The following TEN1 variants were observed in gnomAD, a reference collection of about 807,000 sequenced individuals.
TEN1 encodes CST complex subunit TEN1.
Under a neutral mutation model 9.3 loss-of-function variants are expected in TEN1, and 6 were observed. The ratio of observed to expected loss-of-function variants is 0.65; its 90% CI spans 0.35 to 1.27. The LOEUF (loss-of-function observed/expected upper bound fraction) is 1.27, where lower values mean the gene tolerates loss of function less well. Among genes scored for constraint, TEN1 ranks in the 50% most tolerant of loss-of-function variants. The probability of loss-of-function intolerance (pLI) is 0.03; values close to 1 mark genes in which losing one functional copy is unlikely to be tolerated. For missense variants in TEN1, 149 were observed against 158.2 expected, an observed-to-expected ratio of 0.94 and a Z score of 0.31; for synonymous variants, 65 against 65.6, an observed-to-expected ratio of 0.99 and a Z score of 0.04.
intron 1 of TEN1, among the ~76,000 whole-genome samples, chr17:75,982,357 T>C (rs2066126951): frequency 2.0e-5 from 3 of 152,220 alleles, no homozygotes; most frequent in Non-Finnish European, 2.9e-5. Context: ...CATATGTACA[T>C]GTTACATAAA....
chr17:75,996,769 A>G (rs1041491694), intron 3 of TEN1, among the ~76,000 whole-genome samples: 4 of 151,862 alleles, frequency 2.6e-5, no homozygotes, highest in Non-Finnish European at 5.9e-5. Context: ...AGAAAGAGAA[A>G]AGAGAAGAGA....
intron 1 of TEN1, among the ~76,000 whole-genome samples, chr17:75,984,346 T>C (rs887970082): frequency 6.6e-6 from 1 of 152,176 alleles, no homozygotes; most frequent in Non-Finnish European, 1.5e-5. Flanking sequence ...GAAATAATGG[T>C]CGGCTTTCCA....
At chr17:75,989,275 T>G (rs28802694) in intron 2 of TEN1, among the ~76,000 whole-genome samples, 7,925 of 151,172 alleles carry the variant, frequency 0.052, 666 homozygotes, top group African/African-American at 0.18. Context: ...AATTTTTTTT[T>G]TTGTTTTTTT....
chr17:75,983,465 T>C (rs1296543877), intron 1 of TEN1, among the ~76,000 whole-genome samples: 1 of 152,112 alleles, frequency 6.6e-6, no homozygotes, highest in Non-Finnish European at 1.5e-5. Context: ...CACACACTCG[T>C]GTACACTAGC....
At chr17:75,997,219 C>T (rs1440430241) in intron 3 of TEN1, among the ~76,000 whole-genome samples, 2 of 152,136 alleles carry the variant, frequency 1.3e-5, no homozygotes, top group Non-Finnish European at 2.9e-5. Flanking sequence ...ACCCCAGCCT[C>T]CACCCTCCTG....
At chr17:75,988,561 C>CAAAAAAAAAAAAA (rs1189354019) in intron 2 of TEN1, among the ~76,000 whole-genome samples, 4 of 28,986 alleles carry the variant, frequency 1.4e-4, no homozygotes, top group Non-Finnish European at 2.4e-4. Context: ...GATCCTGCCT[C>CAAAAAAAAAAAAA]AAAAAAAAAA....
intron 3 of TEN1, among the ~76,000 whole-genome samples, chr17:75,999,755 G>GC (rs2066241765): frequency 6.6e-6 from 1 of 152,126 alleles, no homozygotes; most frequent in Admixed American, 6.6e-5. Flanking sequence ...TCTGCTAGAA[G>GC]CCCCCCTCGT....
intron 3 of TEN1, among the ~76,000 whole-genome samples, chr17:75,998,618 G>A (rs2066232037): frequency 1.3e-5 from 2 of 152,182 alleles, no homozygotes; most frequent in African/African-American, 4.8e-5. Context: ...CTAGACTAGA[G>A]GAAAGGGCAG....
intron 3 of TEN1, among the ~76,000 whole-genome samples, chr17:75,998,003 C>T (rs893015387): frequency 2.0e-5 from 3 of 151,760 alleles, no homozygotes; most frequent in African/African-American, 7.3e-5. Flanking sequence ...AGGTGCCCGC[C>T]ACCACACCCA....
chr17:75,980,107 C>T (rs2066105903), intron 1 of TEN1, among the ~76,000 whole-genome samples: 1 of 152,032 alleles, frequency 6.6e-6, no homozygotes, highest in Admixed American at 6.6e-5. Context: ...GAGGACGAGG[C>T]GGGCGTATCA....
intron 1 of TEN1, among the ~76,000 whole-genome samples, chr17:75,985,582 T>G (rs1053350009): frequency 1.1e-4 from 16 of 152,232 alleles, no homozygotes; most frequent in African/African-American, 3.6e-4. Context: ...TGGAGTGCAA[T>G]GGCACGATCT....
At chr17:75,982,803 C>T (rs2066129504) in intron 1 of TEN1, among the ~76,000 whole-genome samples, 1 of 151,552 alleles carries the variant, frequency 6.6e-6, no homozygotes, top group Non-Finnish European at 1.5e-5. Context: ...CTCCGCCTCC[C>T]GGGTTCAAGC....
At chr17:75,992,927 G>A (rs1340114691) in intron 3 of TEN1, among the ~76,000 whole-genome samples, 1 of 148,292 alleles carries the variant, frequency 6.7e-6, no homozygotes, top group Non-Finnish European at 1.5e-5. Flanking sequence ...AGCCTCCCGA[G>A]TAGCCCTGCC....
intron 1 of TEN1, among the ~76,000 whole-genome samples, chr17:75,981,888 G>A (rs533839358): frequency 3.9e-5 from 6 of 152,248 alleles, no homozygotes; most frequent in Non-Finnish European, 7.3e-5. Context: ...AAAGCCGAGC[G>A]AGGTGCCATG....
At chr17:75,981,994 T>A (rs2066124108) in intron 1 of TEN1, among the ~76,000 whole-genome samples, 1 of 152,126 alleles carries the variant, frequency 6.6e-6, no homozygotes, top group Non-Finnish European at 1.5e-5. Flanking sequence ...ACCACTGCAT[T>A]CCAGCCTGGG....
In TEN1 at chr17:75,993,023, C is replaced by T. The variant is rs1260372541; in HGVS notation, c.250+1400C>T. 4.0e-5 allele frequency among the ~76,000 whole-genome samples: 6 copies of T among 150,520 alleles called. No individual in the cohort carries two copies. The South Asian group carries it at 6.3e-4, about 16-fold the overall frequency. On this transcript the variant is annotated intron_variant, in intron 3 of 3. Coordinates refer to ENST00000397640, the MANE Select transcript of TEN1 (RefSeq NM_001113324.3). ...GCTGTCCAGGCTGAGTGCAGTGGCG[C>T]GATCTTGGCACCAGGCTCTATCCTG... is the stretch of plus-strand genomic sequence containing the variant.
At chr17:75,993,453 G>A (rs1003407385) in intron 3 of TEN1, among the ~76,000 whole-genome samples, 3 of 152,036 alleles carry the variant, frequency 2.0e-5, no homozygotes, top group Non-Finnish European at 4.4e-5. Flanking sequence ...GGAGAAATCC[G>A]TAAATTCAAA....
chr17:75,988,628 CTATTA>C (rs1317210598), intron 2 of TEN1, among the ~76,000 whole-genome samples: 2 of 150,662 alleles, frequency 1.3e-5, no homozygotes. Context: ...AGATGAGATC[CTATTA>C]TATTACTGTA....
Position 76,000,366 on chromosome 17 carries a change from T to C in TEN1, c.*104T>C. 4.9e-6 allele frequency: 7 copies of C among 1,428,572 alleles called. No individual in the cohort carries two copies. Among genetic ancestry groups the C allele is most frequent in the Non-Finnish European group, 6.5e-6 (7 of 1,081,924 alleles). 88.5% of individuals were successfully genotyped at this position (1,428,572 alleles called of 1,614,324 possible). On this transcript the variant is annotated 3_prime_UTR_variant, in exon 4 of 4. Transcript: ENST00000397640. The surrounding 1 kb of genome is among the most constrained non-coding windows in gnomAD (Gnocchi z 5.9). ...ACGCCTCCCCAGCGACGGCCTTGTCTGGAGCTCGAAAGCCGAGGGGCGGGT... is the reference window on the plus strand; with the variant it reads ...ACGCCTCCCCAGCGACGGCCTTGTCCGGAGCTCGAAAGCCGAGGGGCGGGT...
Sources: gnomAD v4.1 joint callset for allele counts (sites outside exome capture counted in the v4.1 genomes callset) on GRCh38, gnomAD v4.1.1 for gene constraint, Gnocchi (gnomAD v3.1) non-coding constraint, MANE v1.5 for transcripts, NCBI Gene and HGNC (gene_info 2026-07-23, HGNC 2026-07-21) for gene names.